The following MYRFL variants were observed in gnomAD, a reference collection of about 807,000 sequenced individuals.
MYRFL encodes myelin regulatory factor-like protein.
In MYRFL, 88 loss-of-function variants were observed where a neutral mutation model predicts 109.4. The ratio of observed to expected loss-of-function variants is 0.80; its 90% CI spans 0.68 to 0.96. MYRFL has a LOEUF of 0.96. MYRFL is among the 40% of genes least tolerant of loss of function. The pLI, the probability that MYRFL is intolerant of heterozygous loss-of-function variation, is 0.00. For missense variants in MYRFL, 957 were observed against 954.9 expected (o/e 1.00, Z -0.03); for synonymous variants, 324 against 320.9 (o/e 1.01, Z -0.10).
intron 11 of MYRFL, among the ~76,000 whole-genome samples, chr12:69,909,093 C>CTT (rs1476482869): frequency 1.3e-5 from 2 of 152,176 alleles, no homozygotes; most frequent in Admixed American, 1.3e-4. Flanking sequence ...AGTCCCAACA[C>CTT]TTAGTAGTGC....
chr12:69,856,728 C>G (rs188275127), intron 2 of MYRFL, among the ~76,000 whole-genome samples: 1 of 151,968 alleles, frequency 6.6e-6, no homozygotes, highest in East Asian at 1.9e-4. Flanking sequence ...AAATCTTTTG[C>G]CCATTTTTAA....
At chr12:69,883,452 G>A (rs1415675227) in intron 5 of MYRFL, among the ~76,000 whole-genome samples, 5 of 152,044 alleles carry the variant, frequency 3.3e-5, no homozygotes, top group East Asian at 3.8e-4. Context: ...GGCCATCAAC[G>A]GCAAGATAAA....
intron 19 of MYRFL, among the ~76,000 whole-genome samples, chr12:69,948,967 T>C (rs1955905728): frequency 6.6e-6 from 1 of 152,128 alleles, no homozygotes; most frequent in African/African-American, 2.4e-5. Flanking sequence ...TTCTTTTCCT[T>C]ACTCTTTCCC....
At chr12:69,921,006 A>G (rs1438581441) in intron 13 of MYRFL, among the ~76,000 whole-genome samples, 1 of 152,178 alleles carries the variant, frequency 6.6e-6, no homozygotes. Flanking sequence ...TTTTGGTGGC[A>G]AGCTGGTTTA....
chr12:69,916,838 C>T (rs1954744786), intron 13 of MYRFL, among the ~76,000 whole-genome samples: 1 of 152,154 alleles, frequency 6.6e-6, no homozygotes, highest in African/African-American at 2.4e-5. Flanking sequence ...TTCATTTTCT[C>T]AAATAAGCTG....
In MYRFL at chr12:69,927,732, A is replaced by T; in HGVS notation, c.1814A>T (p.His605Leu). 6.5e-7 allele frequency: 1 copy of T among 1,533,654 alleles called. No individual in the cohort carries two copies. The stretch of plus-strand genomic sequence containing the variant: ...GCATCTTCTCCAAGAAGGGCCGTTC[A>T]TAAAAAAAACAACAAGGTAAATAGA... ...VSASSPRRAV[H>L]KKNNKVYFSG... Residue 605 changes from histidine (H) to leucine (L), a missense_variant, in exon 15 of 25, where the codon CAT becomes CTT. His to Leu is a moderately conservative substitution (Grantham distance 99). Coordinates refer to ENST00000552032, the MANE Select transcript of MYRFL (RefSeq NM_182530.3).
intron 1 of MYRFL, among the ~76,000 whole-genome samples, chr12:69,848,974 T>A (rs562558173): frequency 6.6e-6 from 1 of 152,136 alleles, no homozygotes; most frequent in Non-Finnish European, 1.5e-5. Context: ...CGGGTTCAAG[T>A]GATTTTCATG....
chr12:69,945,714 G>T (rs971232726), intron 19 of MYRFL, among the ~76,000 whole-genome samples: 3 of 151,972 alleles, frequency 2.0e-5, no homozygotes, highest in Non-Finnish European at 2.9e-5. Flanking sequence ...TAGGCTGGGC[G>T]CGGTGGCTCA....
rs180790706 is a variant in MYRFL at position 69,936,623 on chromosome 12, C to A, written c.2215C>A (p.Arg739=). The change falls in exon 19 of 25, where the codon CGA becomes AGA. Residue 739 remains arginine (R), a synonymous_variant. Coordinates refer to ENST00000552032, the MANE Select transcript of MYRFL (RefSeq NM_182530.3). ...QSEEKEFHQR[R]WSEDKSKSVL... ...TGAGGAGAAGGAATTCCATCAGAGG[C>A]GATGGTCAGGTAAATGATGTTCAAA... 4.5e-5 allele frequency: 68 copies of A among 1,523,300 alleles called. 1 individual carries two copies. In the South Asian group the frequency reaches 7.3e-4, roughly 16 times the overall value. The allele number at this position is 1,523,300 out of a possible 1,614,324, so 94.4% of individuals were successfully genotyped here.
intron 2 of MYRFL, among the ~76,000 whole-genome samples, chr12:69,860,049 A>T (rs553758767): frequency 9.2e-5 from 14 of 152,220 alleles, no homozygotes; most frequent in African/African-American, 1.4e-4. Context: ...TCACCTAGGT[A>T]TTCAGCCCAG....
intron 11 of MYRFL, among the ~76,000 whole-genome samples, chr12:69,906,032 G>A (rs1367536697): frequency 2.6e-5 from 4 of 152,210 alleles, no homozygotes; most frequent in Non-Finnish European, 5.9e-5. Flanking sequence ...CTTTAAGAGT[G>A]CATTCTAACC....
At chr12:69,845,791 C>T (rs1592693030) in intron 1 of MYRFL, among the ~76,000 whole-genome samples, 2 of 62,782 alleles carry the variant, frequency 3.2e-5, no homozygotes, top group Admixed American at 1.9e-4. Context: ...TTGGGAAAAG[C>T]GAAAAAAAAA....
intron 13 of MYRFL, among the ~76,000 whole-genome samples, chr12:69,919,502 A>G (rs1152969): frequency 0.93 from 141,891 of 152,244 alleles, 66,284 homozygotes; most frequent in South Asian, 0.97. Context: ...AGAGAAATAT[A>G]CATGCTAGGG....
chr12:69,958,074 G>A (rs142101615), intron 23 of MYRFL, 132 bp downstream of exon 23: 2 of 1,318,626 alleles, frequency 1.5e-6, no homozygotes, highest in African/African-American at 1.5e-5. Flanking sequence ...TTATGAAGTT[G>A]CCTTCTAAGG....
chr12:69,914,392 C>T (rs777238212), intron 13 of MYRFL, among the ~76,000 whole-genome samples: 3 of 152,146 alleles, frequency 2.0e-5, no homozygotes, highest in Non-Finnish European at 4.4e-5. Flanking sequence ...TCCCAGGGTA[C>T]AGCCTTGGGA....
At chr12:69,891,606 T>TTTCTTTCCTCCTTC (rs1566002002) in intron 7 of MYRFL, among the ~76,000 whole-genome samples, 6 of 31,146 alleles carry the variant, frequency 1.9e-4, no homozygotes, top group Non-Finnish European at 3.6e-4. Flanking sequence ...TCTTTCTTTC[T>TTTCTTTCCTCCTTC]CTTTCTTTCT....
At chr12:69,917,411 A>G (rs542873134) in intron 13 of MYRFL, among the ~76,000 whole-genome samples, 99 of 97,642 alleles carry the variant, frequency 1.0e-3, no homozygotes, top group African/African-American at 2.7e-3. Context: ...TTTTTTGCCA[A>G]TCTCTCCTAT....
At chr12:69,877,023 C>CTTTCTTTCTTTCTTTCTTT (rs779815894) in intron 2 of MYRFL, among the ~76,000 whole-genome samples, 3 of 128,924 alleles carry the variant, frequency 2.3e-5, no homozygotes, top group African/African-American at 9.1e-5. Flanking sequence ...TTCTTTCTTT[C>CTTTCTTTCTTTCTTTCTTT]TTTTTTTTTT....
At chr12:69,891,224 C>G (rs987601428) in intron 7 of MYRFL, 58 bp downstream of exon 7, 92 of 1,251,664 alleles carry the variant, frequency 7.4e-5, no homozygotes, top group Middle Eastern at 2.0e-4. Context: ...TTTCAGTTGT[C>G]TATTGCTGCA....
Sources: allele counts gnomAD v4.1 joint callset (sites outside exome capture counted in the v4.1 genomes callset), GRCh38; gene constraint gnomAD v4.1.1; transcripts MANE v1.5; gene names NCBI Gene and HGNC (gene_info 2026-07-23, HGNC 2026-07-21).